LONP1: variants seen among roughly 807,000 people sequenced by gnomAD.
LONP1 encodes the protein lon protease homolog, mitochondrial.
Under a neutral mutation model 98.5 loss-of-function variants are expected in LONP1, and 31 were observed. The ratio of observed to expected loss-of-function variants is 0.31; its 90% CI spans 0.24 to 0.42. The LOEUF (loss-of-function observed/expected upper bound fraction) is 0.42, where lower values mean the gene tolerates loss of function less well. Ranked by LOEUF, LONP1 falls within the 20% of genes least tolerant of loss-of-function variation. The pLI is 1.00. For synonymous variants in LONP1, 781 were observed against 594.7 expected (o/e 1.31, Z -4.56); for missense variants, 1,336 against 1,350.6 (o/e 0.99, Z 0.17).
At chr19:5,711,627 C>G (rs559046383) in intron 4 of LONP1, 144 bp downstream of exon 4, 8 of 654,690 alleles carry the variant, frequency 1.2e-5, no homozygotes, top group Non-Finnish European at 1.8e-5. Context: ...CCTCTATGTT[C>G]CATTAGAATT....
chr19:5,715,282 G>A (rs1463738779), intron 1 of LONP1, among the ~76,000 whole-genome samples: 1 of 149,204 alleles, frequency 6.7e-6, no homozygotes, highest in East Asian at 2.0e-4. Flanking sequence ...ATTAATGTCA[G>A]AATAAACATA....
intron 7 of LONP1, among the ~76,000 whole-genome samples, chr19:5,706,213 C>T (rs995137866): frequency 6.6e-6 from 1 of 152,094 alleles, no homozygotes; most frequent in African/African-American, 2.4e-5. Flanking sequence ...CATAGCTCAC[C>T]GTAGCCTCCA....
rs556326914 is a variant in LONP1 at position 5,704,495 on chromosome 19, A to G, written c.1367+1277T>C. Among the ~76,000 whole-genome samples the G allele has an allele frequency of 2.3e-4, 35 of 152,198 alleles. No homozygotes were observed. The South Asian group carries it at 7.3e-3, about 32-fold the overall frequency. ...GCGGGGTCCTGGGCCAGCAGCCAGG[A>G]AAGAAACTCATGCCTTCCCTCTAAG... On this transcript the variant is annotated intron_variant, in intron 8 of 17. Coordinates refer to ENST00000360614, the MANE Select transcript of LONP1 (RefSeq NM_004793.4).
chr19:5,716,378 G>C (rs938494225), intron 1 of LONP1, among the ~76,000 whole-genome samples: 2 of 145,632 alleles, frequency 1.4e-5, no homozygotes, highest in Admixed American at 1.4e-4. Flanking sequence ...CCCCACCCTT[G>C]GAGTTTTTGA....
rs1204164313 is a variant in LONP1, at chr19:5,702,030, G to A, written c.1368-1103C>T. Among the ~76,000 whole-genome samples the A allele has an allele frequency of 2.0e-5, 3 of 151,920 alleles. No homozygotes were observed. In the South Asian group the frequency reaches 6.2e-4, roughly 32 times the overall value. ...GCCTGGCAACCGACCCGTCTGAGAAGTGAGGAGCGTCTCCGCCCAGCAGCC... is the reference window on the plus strand; with the variant it reads ...GCCTGGCAACCGACCCGTCTGAGAAATGAGGAGCGTCTCCGCCCAGCAGCC... On this transcript the variant is annotated intron_variant, in intron 8 of 17. Transcript: ENST00000360614.
intron 1 of LONP1, among the ~76,000 whole-genome samples, chr19:5,717,137 T>C (rs1220095472): frequency 6.6e-6 from 1 of 152,212 alleles, no homozygotes; most frequent in East Asian, 1.9e-4. Flanking sequence ...CTAACACTTA[T>C]GATTTATTCT....
In LONP1 at chr19:5,694,452, G is replaced by T; in HGVS notation, c.2255C>A (p.Thr752Asn). ...LQDFVGKPVFTVERMYDVTPP... is the reference protein window; with the variant it reads ...LQDFVGKPVFNVERMYDVTPP... ...TGTCACGTCATACATGCGCTCCACG[G>T]TGAACACGGGCTTCCCCACGAAGTC... The change falls in exon 15 of 18, where the codon ACC becomes AAC. Residue 752 changes from threonine (T) to asparagine (N), a missense_variant. By Grantham distance (65) the Thr-to-Asn change is moderately conservative (BLOSUM62 0). Around this residue, in one of 5 missense-constraint regions of LONP1, gnomAD observed 555 missense variants for 542.6 expected, o/e 1.02. Transcript: ENST00000360614. 1 of 1,613,430 alleles carries T rather than the reference G, an allele frequency of 6.2e-7. No individual in the cohort carries two copies. Among genetic ancestry groups the T allele is most frequent in the Non-Finnish European group, 8.5e-7 (1 of 1,180,012 alleles).
chr19:5,699,955 T>G (rs1048343970), intron 9 of LONP1, among the ~76,000 whole-genome samples: 2 of 152,044 alleles, frequency 1.3e-5, no homozygotes, highest in African/African-American at 4.8e-5. Flanking sequence ...ATTAATTAAT[T>G]TTCAGACAAG....
At chr19:5,698,183 C>T (rs1352403014) in intron 10 of LONP1, among the ~76,000 whole-genome samples, 2 of 151,982 alleles carry the variant, frequency 1.3e-5, no homozygotes, top group African/African-American at 4.8e-5. Flanking sequence ...GGGGACTGGA[C>T]ACTGCGCGGG....
At chr19:5,706,035 C>G (rs371734899) in intron 7 of LONP1, 43 bp from the exon 8 acceptor site, 1 of 1,333,774 alleles carries the variant, frequency 7.5e-7, no homozygotes, top group Non-Finnish European at 1.0e-6. Flanking sequence ...CTCCGGGAAG[C>G]TGGGTGGGTG....
At chr19:5,709,486 G>A (rs1422331510) in intron 4 of LONP1, among the ~76,000 whole-genome samples, 50 of 152,124 alleles carry the variant, frequency 3.3e-4, no homozygotes. Flanking sequence ...GAGTGACAGG[G>A]TGAGACTCTG....
chr19:5,720,163 C>A (rs1159142363), upstream of LONP1: 2 of 1,387,940 alleles, frequency 1.4e-6, no homozygotes, highest in East Asian at 5.9e-5. Flanking sequence ...TCACACAACT[C>A]GCGTCATTTC....
intron 8 of LONP1, among the ~76,000 whole-genome samples, chr19:5,702,476 G>C (rs1477609832): frequency 1.3e-5 from 2 of 151,946 alleles, no homozygotes; most frequent in African/African-American, 4.8e-5. Flanking sequence ...CTCTGGGAGG[G>C]AGGAGTGGGG....
rs746123255 is a variant in LONP1, at chr19:5,699,074, G to A, written c.1638C>T (p.Arg546=). ...CGTCAGTCATGCCCCCGACGCTGAA[G>A]CGGAAGTACTCTCGGTTCAGGGCGC... ...IARALNREYF[R]FSVGGMTDVA... The change falls in exon 10 of 18, where the codon CGC becomes CGT. Residue 546 remains arginine, a synonymous_variant. Transcript: ENST00000360614. 11 of 1,609,118 alleles carry A rather than the reference G, an allele frequency of 6.8e-6. No individual in the cohort carries two copies. The highest frequency in any genetic ancestry group is 2.2e-5 in the East Asian group (1 of 44,508).
At position 5,711,783 on chromosome 19, in the gene LONP1, C is replaced by T. The variant is rs939354576; in HGVS notation, c.858G>A (p.Thr286=). 1.6e-5 allele frequency: 25 copies of T among 1,609,036 alleles called. No individual in the cohort carries two copies. Among genetic ancestry groups the T allele is most frequent in the Admixed American group, 3.3e-5 (2 of 59,932 alleles). ...CGCACGGACTCACTTTCACCTCCTCCGTGACCTGGAAGTCCTCGTGGACAA... is the reference window on the plus strand; with the variant it reads ...CGCACGGACTCACTTTCACCTCCTCTGTGACCTGGAAGTCCTCGTGGACAA... The part of the protein sequence containing the change: ...ENVVHEDFQV[T]EEVKALTAEI... The change falls in exon 4 of 18, where the codon ACG becomes ACA. Residue 286 remains threonine, a synonymous_variant. Transcript: ENST00000360614.
At chr19:5,699,250 C>T (rs538455204) in intron 9 of LONP1, 45 bp from the exon 10 acceptor site, 33 of 1,440,762 alleles carry the variant, frequency 2.3e-5, no homozygotes, top group Middle Eastern at 2.1e-4. Context: ...CTGGGGAAGC[C>T]GGGGACCCGC....
chr19:5,719,128 C>G (rs2055378789), intron 1 of LONP1, among the ~76,000 whole-genome samples: 1 of 152,152 alleles, frequency 6.6e-6, no homozygotes, highest in African/African-American at 2.4e-5. Flanking sequence ...CTCCAGGTTT[C>G]CAACAATCCT....
chr19:5,692,504 C>T (rs1158499777), intron 17 of LONP1, among the ~76,000 whole-genome samples: 1 of 152,160 alleles, frequency 6.6e-6, no homozygotes, highest in Non-Finnish European at 1.5e-5. Flanking sequence ...ATGAGCCACA[C>T]ACCCACGGCC....
At position 5,707,791 on chromosome 19, in the gene LONP1, C is replaced by T. The variant is rs1048347325; in HGVS notation, c.968G>A (p.Arg323Gln). 3.1e-6 allele frequency: 5 copies of T among 1,613,002 alleles called. No individual in the cohort carries two copies. Among genetic ancestry groups the T allele is most frequent in the South Asian group, 1.1e-5 (1 of 91,078 alleles). ...CAGGTAGATGGGGTTGTCCACCACC[C>T]GCTGGCCAGCCTGCATCATCTGCAG... ...SVLQMMQAGQ[R>Q]VVDNPIYLSD... is the part of the protein sequence containing the mutation. Residue 323 changes from arginine (R) to glutamine (Q), a missense_variant, in exon 6 of 18, where the codon CGG becomes CAG. Physicochemically the swap from Arg to Gln is conservative, Grantham distance 43. Around this residue, in one of 5 missense-constraint regions of LONP1, gnomAD observed 97 missense variants for 139.0 expected, o/e 0.70. Coordinates refer to ENST00000360614, the MANE Select transcript of LONP1 (RefSeq NM_004793.4).
Sources: allele counts gnomAD v4.1 joint callset (sites outside exome capture counted in the v4.1 genomes callset), GRCh38; gene constraint gnomAD v4.1.1; regional missense constraint gnomAD v4.1.1; transcripts MANE v1.5; gene names NCBI Gene and HGNC (gene_info 2026-07-23, HGNC 2026-07-21).